SPAG16: variants seen among roughly 807,000 people sequenced by gnomAD.
SPAG16 encodes sperm associated antigen 16.
SPAG16 carries 86 observed loss-of-function variants against 80.4 expected under a neutral mutation model. That is an observed-to-expected ratio of 1.07 (90% CI 0.90 to 1.28). SPAG16 has a LOEUF of 1.28. SPAG16 is among the 50% of genes most tolerant of loss of function. The pLI is 0.00. For missense variants in SPAG16, 870 were observed against 765.3 expected, an observed-to-expected ratio of 1.14 and a Z score of -1.61; for synonymous variants, 294 against 265.9, an observed-to-expected ratio of 1.11 and a Z score of -1.03.
intron 13 of SPAG16, among the ~76,000 whole-genome samples, chr2:214,066,064 C>G (rs551479999): frequency 6.6e-6 from 1 of 152,194 alleles, no homozygotes; most frequent in Non-Finnish European, 1.5e-5. Flanking sequence ...AGAAGTCCAG[C>G]TTGTTGACCA....
At chr2:213,495,462 A>G (rs1002204894) in intron 10 of SPAG16, among the ~76,000 whole-genome samples, 5 of 152,236 alleles carry the variant, frequency 3.3e-5, no homozygotes, top group Non-Finnish European at 4.4e-5. Flanking sequence ...AAATAAAAAT[A>G]TTGAAGAGAT....
chr2:214,047,492 G>T (rs1268959097), intron 13 of SPAG16, among the ~76,000 whole-genome samples: 3 of 152,106 alleles, frequency 2.0e-5, no homozygotes, highest in Non-Finnish European at 4.4e-5. Context: ...ATATCCATAT[G>T]CAGAAGAATG....
intron 12 of SPAG16, among the ~76,000 whole-genome samples, chr2:213,956,669 A>G (rs2044158659): frequency 6.6e-6 from 1 of 151,892 alleles, no homozygotes; most frequent in Non-Finnish European, 1.5e-5. Context: ...GCTGGTGTCA[A>G]ACTCCTGACC....
chr2:214,354,277 T>A (rs1260764226), intron 15 of SPAG16, among the ~76,000 whole-genome samples: 1 of 152,148 alleles, frequency 6.6e-6, no homozygotes, highest in African/African-American at 2.4e-5. Context: ...ATTGCTTGTT[T>A]TTCTCAGGTT....
chr2:213,463,077 G>A (rs565671927), intron 9 of SPAG16, among the ~76,000 whole-genome samples: 40 of 152,330 alleles, frequency 2.6e-4, no homozygotes, highest in African/African-American at 9.6e-4. Flanking sequence ...TGAGGAACTT[G>A]TTGGGAACTG....
chr2:214,349,922 T>C (rs1698289683), intron 15 of SPAG16, among the ~76,000 whole-genome samples: 1 of 152,374 alleles, frequency 6.6e-6, no homozygotes, highest in South Asian at 2.1e-4. Flanking sequence ...TTTTGAGTTA[T>C]AGGGGTGCTT....
At chr2:213,729,359 C>T (rs2066927553) in intron 10 of SPAG16, among the ~76,000 whole-genome samples, 1 of 152,186 alleles carries the variant, frequency 6.6e-6, no homozygotes, top group African/African-American at 2.4e-5. Context: ...AGAATGGACA[C>T]ACTACCTTTT....
At chr2:214,310,704 C>T (rs1695237165) in intron 15 of SPAG16, among the ~76,000 whole-genome samples, 1 of 152,172 alleles carries the variant, frequency 6.6e-6, no homozygotes, top group African/African-American at 2.4e-5. Flanking sequence ...CCATATCATG[C>T]CCCTATCTCA....
intron 15 of SPAG16, among the ~76,000 whole-genome samples, chr2:214,172,671 G>A (rs564747066): frequency 9.9e-5 from 15 of 152,052 alleles, no homozygotes; most frequent in African/African-American, 2.9e-4. Flanking sequence ...CTGAGGAATC[G>A]CCACACTGAC....
At chr2:213,687,924 T>C (rs574473276) in intron 10 of SPAG16, among the ~76,000 whole-genome samples, 1 of 152,224 alleles carries the variant, frequency 6.6e-6, no homozygotes, top group Non-Finnish European at 1.5e-5. Flanking sequence ...GGATTTATTC[T>C]GAGCCAAATA....
intron 1 of SPAG16, among the ~76,000 whole-genome samples, chr2:213,292,687 A>C (rs2062338647): frequency 1.5e-5 from 2 of 137,338 alleles, no homozygotes; most frequent in Non-Finnish European, 3.2e-5. Flanking sequence ...AAAAAAAACA[A>C]AAAAAAACAA....
At chr2:213,928,904 TACACACACACACACACACACAC>T (rs71063798) in intron 11 of SPAG16, among the ~76,000 whole-genome samples, 2 of 143,080 alleles carry the variant, frequency 1.4e-5, no homozygotes, top group South Asian at 4.5e-4. Flanking sequence ...CAGCTGATGT[TACACACACACACACACACACAC>T]ACACACACAC....
intron 13 of SPAG16, among the ~76,000 whole-genome samples, chr2:214,103,062 A>G (rs1173093560): frequency 1.3e-5 from 2 of 152,056 alleles, no homozygotes; most frequent in Non-Finnish European, 2.9e-5. Context: ...AGGGAGGTAT[A>G]TGCATGCCCA....
intron 10 of SPAG16, among the ~76,000 whole-genome samples, chr2:213,544,425 A>T (rs953913481): frequency 2.0e-5 from 3 of 152,046 alleles, no homozygotes; most frequent in Non-Finnish European, 2.9e-5. Flanking sequence ...GATTTTTCAT[A>T]TATCCCATAC....
At chr2:214,410,052 A>C (rs1702212799) in intron 15 of SPAG16, 88 bp from the exon 16 acceptor site, 1 of 1,455,818 alleles carries the variant, frequency 6.9e-7, no homozygotes, top group African/African-American at 1.4e-5. Context: ...AATTGAAAAA[A>C]ATAGAATGCT....
intron 10 of SPAG16, among the ~76,000 whole-genome samples, chr2:213,591,441 CAT>C (rs772788924): frequency 6.6e-5 from 10 of 152,030 alleles, no homozygotes; most frequent in Admixed American, 1.3e-4. Flanking sequence ...ATAGTAAAGA[CAT>C]GTGGATCAAA....
intron 9 of SPAG16, among the ~76,000 whole-genome samples, chr2:213,428,202 C>G (rs1409249002): frequency 6.6e-6 from 1 of 152,126 alleles, no homozygotes; most frequent in Non-Finnish European, 1.5e-5. Context: ...GTGGTGGTGT[C>G]TGACTGAGAG....
intron 15 of SPAG16, among the ~76,000 whole-genome samples, chr2:214,382,179 A>G (rs1357623690): frequency 6.6e-6 from 1 of 152,252 alleles, no homozygotes; most frequent in Non-Finnish European, 1.5e-5. Flanking sequence ...GAATGATGCC[A>G]ATGACCAGAA....
chr2:214,060,515 T>C (rs2050204085), intron 13 of SPAG16, among the ~76,000 whole-genome samples: 2 of 152,140 alleles, frequency 1.3e-5, no homozygotes, highest in South Asian at 2.1e-4. Flanking sequence ...GGATAATGTA[T>C]AATAACAATA....
Sources: gnomAD v4.1 joint callset for allele counts (sites outside exome capture counted in the v4.1 genomes callset) on GRCh38, gnomAD v4.1.1 for gene constraint, MANE v1.5 for transcripts, NCBI Gene and HGNC (gene_info 2026-07-23, HGNC 2026-07-21) for gene names.